GSR: variants seen among roughly 807,000 people sequenced by gnomAD.
The protein encoded by GSR is glutathione-disulfide reductase.
GSR carries 48 observed loss-of-function variants against 56.5 expected under a neutral mutation model. The ratio of observed to expected loss-of-function variants is 0.85; its 90% CI spans 0.67 to 1.08. The LOEUF (loss-of-function observed/expected upper bound fraction) is 1.08. Ranked by LOEUF, GSR falls within the 50% of genes least tolerant of loss-of-function variation. The probability of loss-of-function intolerance (pLI) is 0.00; values close to 1 mark genes in which losing one functional copy is unlikely to be tolerated. For synonymous variants in GSR, 264 were observed against 270.8 expected, an observed-to-expected ratio of 0.97 and a Z score of 0.25; for missense variants, 694 against 703.3, an observed-to-expected ratio of 0.99 and a Z score of 0.15.
intron 1 of GSR, 135 bp downstream of exon 1, chr8:30,727,395 T>G: frequency 3.5e-6 from 3 of 854,298 alleles, no homozygotes; most frequent in Non-Finnish European, 5.4e-6. Context: ...GGCTTCGGAA[T>G]GGGGAGTTGC....
intron 8 of GSR, 26 bp downstream of exon 8, chr8:30,692,943 G>A (rs759152724): frequency 8.9e-6 from 13 of 1,463,290 alleles, no homozygotes; most frequent in East Asian, 4.5e-5. Context: ...TGGGGGCCGC[G>A]TGCATGCCTG....
At chr8:30,686,281 T>C (rs1262589234) in intron 9 of GSR, among the ~76,000 whole-genome samples, 2 of 152,016 alleles carry the variant, frequency 1.3e-5, no homozygotes, top group Non-Finnish European at 2.9e-5. Flanking sequence ...ATTAGATTAG[T>C]AACATGTTGA....
rs114418544 is a variant in GSR at position 30,705,750 on chromosome 8, A to G, written c.492+2322T>C. ...CTGACTTCAAAAAAATAAAAAATAA[A>G]AATAAAAAACTTGGTGTGTTTTAGT... On this transcript the variant is annotated intron_variant, in intron 4 of 12. Coordinates refer to ENST00000221130, the MANE Select transcript of GSR (RefSeq NM_000637.5). 4.6e-3 allele frequency among the ~76,000 whole-genome samples: 705 copies of G among 152,152 alleles called. 6 individuals carry two copies. Among genetic ancestry groups the G allele is most frequent in the African/African-American group, 0.016 (663 of 41,516 alleles).
At chr8:30,685,669 G>C (rs1364910504) in intron 9 of GSR, among the ~76,000 whole-genome samples, 3 of 152,014 alleles carry the variant, frequency 2.0e-5, no homozygotes, top group Non-Finnish European at 4.4e-5. Context: ...GAAGTAAGTA[G>C]CCACAGAGCT....
intron 9 of GSR, among the ~76,000 whole-genome samples, chr8:30,684,860 C>T (rs952548527): frequency 7.2e-5 from 11 of 152,168 alleles, no homozygotes; most frequent in Non-Finnish European, 1.3e-4. Flanking sequence ...AGCAATCCTC[C>T]TGCTTAGCCT....
intron 1 of GSR, among the ~76,000 whole-genome samples, chr8:30,718,954 G>T (rs1207423123): frequency 6.6e-6 from 1 of 151,524 alleles, no homozygotes; most frequent in Non-Finnish European, 1.5e-5. Context: ...TTTTGAGATG[G>T]AGTCTCACTC....
At chr8:30,682,629 A>T (rs1401933731) in intron 10 of GSR, among the ~76,000 whole-genome samples, 1 of 152,142 alleles carries the variant, frequency 6.6e-6, no homozygotes, top group Admixed American at 6.6e-5. Context: ...CCCCACTCCC[A>T]AAAGACACAT....
At chr8:30,704,233 G>A (rs1482630831) in intron 4 of GSR, among the ~76,000 whole-genome samples, 3 of 152,194 alleles carry the variant, frequency 2.0e-5, no homozygotes, top group South Asian at 2.1e-4. Context: ...GCTGAGGCAC[G>A]AGAATTCCTT....
intron 1 of GSR, among the ~76,000 whole-genome samples, chr8:30,716,967 G>A (rs1301093439): frequency 1.3e-5 from 2 of 152,068 alleles, no homozygotes; most frequent in African/African-American, 4.8e-5. Context: ...GCTGGGCATG[G>A]TGGCTTATGC....
At chr8:30,691,328 C>A (rs1489761772) in intron 8 of GSR, among the ~76,000 whole-genome samples, 1 of 151,968 alleles carries the variant, frequency 6.6e-6, no homozygotes, top group East Asian at 1.9e-4. Flanking sequence ...GCACTCCAGC[C>A]TGGGTGACAG....
At position 30,679,413 on chromosome 8, in the gene GSR, T is replaced by C. The variant is rs1157154920; in HGVS notation, c.*107A>G. On this transcript the variant is annotated 3_prime_UTR_variant, in exon 13 of 13. Transcript: ENST00000221130. ...AATTTCCACTATCAGAAGATCCTGA[T>C]TAAAATAAAGAAATACATAAAACTC... 1 of 1,118,828 alleles carries C rather than the reference T, an allele frequency of 8.9e-7. No individual in the cohort carries two copies. The highest frequency in any genetic ancestry group is 1.3e-6 in the Non-Finnish European group (1 of 753,570). 69.3% of individuals were successfully genotyped at this position (1,118,828 alleles called of 1,614,324 possible). A position where few individuals can be genotyped will look rare whatever the true frequency, so the allele number is the denominator to read the frequency against.
In GSR at chr8:30,681,481, T is replaced by C. The variant is rs1802955923; in HGVS notation, c.1286-444A>G. 2.6e-5 allele frequency among the ~76,000 whole-genome samples: 4 copies of C among 151,298 alleles called. 1 individual carries two copies. The highest frequency in any genetic ancestry group is 4.2e-4 in the South Asian group (2 of 4,786). On this transcript the variant is annotated intron_variant, in intron 11 of 12. Transcript: ENST00000221130. ...CGGAGGTTGCAGTGAGCAGAGATCGTGCCACTGCACTCCAGCCTGGGTGAC... is the reference window on the plus strand; with the variant it reads ...CGGAGGTTGCAGTGAGCAGAGATCGCGCCACTGCACTCCAGCCTGGGTGAC...
intron 1 of GSR, among the ~76,000 whole-genome samples, chr8:30,719,405 C>T (rs1036751924): frequency 2.0e-5 from 3 of 152,042 alleles, no homozygotes; most frequent in Non-Finnish European, 4.4e-5. Context: ...CCTGAGCCAC[C>T]GCGCCTGGCC....
intron 5 of GSR, among the ~76,000 whole-genome samples, chr8:30,702,494 G>A (rs1300357955): frequency 6.6e-6 from 1 of 152,060 alleles, no homozygotes; most frequent in African/African-American, 2.4e-5. Flanking sequence ...TCTCTCTCTT[G>A]AACAAAACAA....
At position 30,709,612 on chromosome 8, in the gene GSR, T is replaced by A. The variant is rs8190943; in HGVS notation, c.422+202A>T. ...TGGGATAGCAGAAAAGTTCTGGAAGTGGTAATAGTGGTGACGACTGTATAA... is the reference window on the plus strand; with the variant it reads ...TGGGATAGCAGAAAAGTTCTGGAAGAGGTAATAGTGGTGACGACTGTATAA... On this transcript the variant is annotated intron_variant, in intron 3 of 12. Coordinates refer to ENST00000221130, the MANE Select transcript of GSR (RefSeq NM_000637.5). Among the ~76,000 whole-genome samples the A allele has an allele frequency of 7.7e-3, 1,168 of 152,216 alleles. 64 individuals carry two copies. Among genetic ancestry groups the A allele is most frequent in the Admixed American group, 0.068 (1,036 of 15,264 alleles).
chr8:30,701,962 C>T, intron 5 of GSR, among the ~76,000 whole-genome samples: 1 of 151,804 alleles, frequency 6.6e-6, no homozygotes, highest in Admixed American at 6.6e-5. Context: ...ATCTAAACGT[C>T]CTGGTCAAGG....
At chr8:30,692,495 C>CTTTTTTTT (rs71206280) in intron 8 of GSR, among the ~76,000 whole-genome samples, 3 of 59,062 alleles carry the variant, frequency 5.1e-5, no homozygotes, top group African/African-American at 1.4e-4. Flanking sequence ...CACACCCAGA[C>CTTTTTTTT]TTTTTTTTTT....
Position 30,679,344 on chromosome 8 carries a change from C to T in GSR, c.*176G>A, listed in dbSNP as rs1350422807. 3.1e-6 allele frequency: 2 copies of T among 643,832 alleles called. No individual in the cohort carries two copies. Among genetic ancestry groups the T allele is most frequent in the Non-Finnish European group, 5.5e-6 (2 of 364,680 alleles). The allele number at this position is 643,832 out of a possible 1,614,324, so 39.9% of individuals were successfully genotyped here. Reference sequence around the variant, plus strand: ...AAATGAAAATCAATCCTGGATAACACTACAAATTTCTAACTCCATAAATAA... The same window carrying T: ...AAATGAAAATCAATCCTGGATAACATTACAAATTTCTAACTCCATAAATAA... On this transcript the variant is annotated 3_prime_UTR_variant, in exon 13 of 13. Coordinates refer to ENST00000221130, the MANE Select transcript of GSR (RefSeq NM_000637.5).
chr8:30,701,363 G>GTA (rs1803734074), intron 5 of GSR, among the ~76,000 whole-genome samples: 1 of 152,202 alleles, frequency 6.6e-6, no homozygotes, highest in Non-Finnish European at 1.5e-5. Flanking sequence ...CTACTCAGGA[G>GTA]GCTGGGGCAG....
Sources: allele counts gnomAD v4.1 joint callset (sites outside exome capture counted in the v4.1 genomes callset), GRCh38; gene constraint gnomAD v4.1.1; transcripts MANE v1.5; gene names NCBI Gene and HGNC (gene_info 2026-07-23, HGNC 2026-07-21).